Variants in TRPS1 observed in about 807,000 individuals in gnomAD.
The protein encoded by TRPS1 is zinc finger transcription factor Trps1.
A neutral mutation model predicts 101.2 loss-of-function variants in TRPS1; 6 were observed. The ratio of observed to expected loss-of-function variants is 0.06; its 90% confidence interval spans 0.03 to 0.12. TRPS1 has a LOEUF of 0.12. Among genes scored for constraint, TRPS1 ranks in the 10% least tolerant of loss-of-function variants. The pLI, the probability that TRPS1 is intolerant of heterozygous loss-of-function variation, is 1.00. For synonymous variants in TRPS1, 578 were observed against 589.8 expected, an observed-to-expected ratio of 0.98 and a Z score of 0.29; for missense variants, 1,363 against 1,567.0, an observed-to-expected ratio of 0.87 and a Z score of 2.20.
intron 1 of TRPS1, among the ~76,000 whole-genome samples, chr8:115,657,801 A>G (rs1218328684): frequency 6.6e-6 from 1 of 152,152 alleles, no homozygotes; most frequent in Non-Finnish European, 1.5e-5. Flanking sequence ...GCATTTCCAC[A>G]TAGAAATGGA....
intron 5 of TRPS1, among the ~76,000 whole-genome samples, chr8:115,535,589 C>T (rs912456298): frequency 1.3e-4 from 19 of 149,962 alleles, no homozygotes; most frequent in Admixed American, 6.0e-4. Context: ...AGGCTGGGTG[C>T]GGTGGCTCAC....
intron 5 of TRPS1, among the ~76,000 whole-genome samples, chr8:115,462,416 C>A (rs1253762728): frequency 1.3e-5 from 2 of 152,108 alleles, no homozygotes; most frequent in African/African-American, 4.8e-5. Context: ...ATCCAGTTAA[C>A]CTCCCCCATA....
Position 115,513,357 on chromosome 8 carries a change from G to A in TRPS1, c.2700+73644C>T, listed in dbSNP as rs1815630039. On this transcript the variant is annotated intron_variant, in intron 5 of 6. Coordinates refer to ENST00000395715, the MANE Select transcript of TRPS1 (RefSeq NM_014112.5). Reference sequence around the variant, plus strand: ...ATTTTTATTTTAAGCACCATATTTGGTTCTTCCATTATTTACATCATGATC... The same window carrying A: ...ATTTTTATTTTAAGCACCATATTTGATTCTTCCATTATTTACATCATGATC... 3.3e-5 allele frequency among the ~76,000 whole-genome samples: 5 copies of A among 151,444 alleles called. No homozygotes were observed. In the South Asian group the frequency reaches 1.0e-3, roughly 31 times the overall value.
At chr8:115,525,089 T>C (rs757894777) in intron 5 of TRPS1, among the ~76,000 whole-genome samples, 9 of 152,174 alleles carry the variant, frequency 5.9e-5, no homozygotes, top group Non-Finnish European at 8.8e-5. Context: ...CGAAAGCACC[T>C]GATGCATTTT....
intron 5 of TRPS1, among the ~76,000 whole-genome samples, chr8:115,432,666 T>C (rs1180715230): frequency 2.0e-5 from 3 of 151,836 alleles, no homozygotes; most frequent in African/African-American, 7.2e-5. Flanking sequence ...TTTAAAGAAG[T>C]AGAAAATCAC....
chr8:115,549,672 A>T (rs1468778066), intron 5 of TRPS1, among the ~76,000 whole-genome samples: 9 of 108,422 alleles, frequency 8.3e-5, no homozygotes, highest in African/African-American at 2.0e-4. Context: ...ATACTCTATT[A>T]AAAAAAAAAA....
chr8:115,456,142 TATAG>T (rs1243065713), intron 5 of TRPS1, among the ~76,000 whole-genome samples: 1 of 152,136 alleles, frequency 6.6e-6, no homozygotes, highest in Non-Finnish European at 1.5e-5. Flanking sequence ...ACATACAAAA[TATAG>T]ATAAAGTATT....
chr8:115,606,400 A>T (rs1371455424), intron 3 of TRPS1, among the ~76,000 whole-genome samples: 1 of 152,214 alleles, frequency 6.6e-6, no homozygotes, highest in Non-Finnish European at 1.5e-5. Flanking sequence ...ATGTGCATTA[A>T]TATATAAACA....
At chr8:115,430,036 T>A (rs1813281222) in intron 5 of TRPS1, among the ~76,000 whole-genome samples, 1 of 152,148 alleles carries the variant, frequency 6.6e-6, no homozygotes, top group African/African-American at 2.4e-5. Flanking sequence ...ATACAAAAAA[T>A]GAAAAGCAAA....
At chr8:115,479,837 T>C (rs950549948) in intron 5 of TRPS1, among the ~76,000 whole-genome samples, 2 of 152,108 alleles carry the variant, frequency 1.3e-5, no homozygotes, top group African/African-American at 4.8e-5. Flanking sequence ...CTCAAATATA[T>C]TTCTTAGAAG....
intron 5 of TRPS1, among the ~76,000 whole-genome samples, chr8:115,474,099 A>G (rs1452967073): frequency 2.0e-5 from 3 of 152,158 alleles, no homozygotes; most frequent in Non-Finnish European, 4.4e-5. Flanking sequence ...ACATTTTCTA[A>G]CCACAGAAAC....
At chr8:115,586,578 A>G (rs759682354) in intron 5 of TRPS1, among the ~76,000 whole-genome samples, 6 of 152,244 alleles carry the variant, frequency 3.9e-5, no homozygotes, top group Non-Finnish European at 7.3e-5. Context: ...TTACATTCTT[A>G]GTGATTTAAA....
At chr8:115,640,883 G>A (rs1226181753) in intron 1 of TRPS1, among the ~76,000 whole-genome samples, 3 of 152,186 alleles carry the variant, frequency 2.0e-5, no homozygotes, top group Non-Finnish European at 2.9e-5. Flanking sequence ...GTAAGCCTCT[G>A]AGGTTCAGAG....
chr8:115,583,867 C>T (rs527778574), intron 5 of TRPS1, among the ~76,000 whole-genome samples: 1 of 151,844 alleles, frequency 6.6e-6, no homozygotes, highest in Admixed American at 6.6e-5. Flanking sequence ...TCATATTGAA[C>T]ACAAAACTAA....
rs1358674286 is a variant in TRPS1, at chr8:115,434,980, A to G, written c.2701-16528T>C. On this transcript the variant is annotated intron_variant, in intron 5 of 6. Transcript: ENST00000395715. ...ACAAAATCCAAAACCTTTCATCACT[A>G]TAACACATCGAAGAACATAAGAAAT... Among the ~76,000 whole-genome samples the G allele has an allele frequency of 4.6e-5, 7 of 152,322 alleles. No homozygotes were observed. The South Asian group carries it at 8.3e-4, about 18-fold the overall frequency.
chr8:115,517,843 T>C (rs1365169070), intron 5 of TRPS1, among the ~76,000 whole-genome samples: 1 of 151,770 alleles, frequency 6.6e-6, no homozygotes, highest in East Asian at 1.9e-4. Context: ...ATGGCCTTGA[T>C]TGTTGCACTG....
intron 5 of TRPS1, among the ~76,000 whole-genome samples, chr8:115,456,746 A>C (rs544392576): frequency 6.6e-6 from 1 of 152,142 alleles, no homozygotes; most frequent in African/African-American, 2.4e-5. Flanking sequence ...CCCCAAAAAC[A>C]TAAAGGAACA....
At chr8:115,460,300 ACAT>A (rs936306748) in intron 5 of TRPS1, among the ~76,000 whole-genome samples, 1 of 151,994 alleles carries the variant, frequency 6.6e-6, no homozygotes, top group African/African-American at 2.4e-5. Context: ...TTTACCCAGT[ACAT>A]CAAGTCACAC....
intron 5 of TRPS1, among the ~76,000 whole-genome samples, chr8:115,446,172 T>C (rs1813729653): frequency 6.6e-6 from 1 of 152,128 alleles, no homozygotes; most frequent in Non-Finnish European, 1.5e-5. Flanking sequence ...TCATTCAAAA[T>C]GTAAGGATGT....
Sources: allele counts gnomAD v4.1 joint callset (sites outside exome capture counted in the v4.1 genomes callset), GRCh38; gene constraint gnomAD v4.1.1; transcripts MANE v1.5; gene names NCBI Gene and HGNC (gene_info 2026-07-23, HGNC 2026-07-21).